The following PRELID2 variants were observed in gnomAD, a reference collection of about 807,000 sequenced individuals.
The protein encoded by PRELID2 is PRELI domain containing 2, also known as PRELI domain-containing protein 2.
Under a neutral mutation model 28.4 loss-of-function variants are expected in PRELID2, and 25 were observed. The ratio of observed to expected loss-of-function variants is 0.88; its 90% CI spans 0.64 to 1.23. The LOEUF (loss-of-function observed/expected upper bound fraction) is 1.23. Among genes scored for constraint, PRELID2 ranks in the 50% most tolerant of loss-of-function variants. The probability of loss-of-function intolerance (pLI) is 0.00; values close to 1 mark genes in which losing one functional copy is unlikely to be tolerated. For synonymous variants in PRELID2, 76 were observed against 71.6 expected, an observed-to-expected ratio of 1.06 and a Z score of -0.31; for missense variants, 201 against 214.4, an observed-to-expected ratio of 0.94 and a Z score of 0.39.
At chr5:145,589,488 A>G (rs919126731) in intron 1 of PRELID2, among the ~76,000 whole-genome samples, 8 of 152,194 alleles carry the variant, frequency 5.3e-5, no homozygotes, top group African/African-American at 1.9e-4. Context: ...CTTTGCCATC[A>G]TAACAGGCAT....
the PRELID2 span, among the ~76,000 whole-genome samples, chr5:145,395,735 CA>C: frequency 4.6e-5 from 7 of 150,894 alleles, no homozygotes; most frequent in East Asian, 3.9e-4. Context: ...TGGAAAACCA[CA>C]AAAAAAACAA....
At chr5:145,816,541 T>C (rs1754318383) in intron 4 of PRELID2, among the ~76,000 whole-genome samples, 2 of 152,224 alleles carry the variant, frequency 1.3e-5, no homozygotes. Context: ...CATGTTTATT[T>C]CTAAGTGTCT....
the PRELID2 span, among the ~76,000 whole-genome samples, chr5:145,357,388 T>A: frequency 1.3e-5 from 2 of 152,238 alleles, no homozygotes; most frequent in Non-Finnish European, 2.9e-5. Context: ...AGTCATAGAT[T>A]TGGTTTCTTT....
intron 2 of PRELID2, among the ~76,000 whole-genome samples, chr5:145,820,439 C>T (rs541917903): frequency 2.6e-5 from 4 of 151,296 alleles, no homozygotes; most frequent in East Asian, 1.9e-4. Flanking sequence ...CTGGACTATC[C>T]GTGTCAGTAC....
the PRELID2 span, among the ~76,000 whole-genome samples, chr5:145,373,396 G>T: frequency 2.9e-5 from 2 of 68,300 alleles, no homozygotes; most frequent in Non-Finnish European, 5.2e-5. Context: ...TAATATATAT[G>T]ATATTATATA....
chr5:145,697,081 A>G (rs1420150865), intron 1 of PRELID2, among the ~76,000 whole-genome samples: 3 of 109,648 alleles, frequency 2.7e-5, no homozygotes, highest in South Asian at 2.7e-4. Flanking sequence ...ATATATATAT[A>G]CACACACACA....
chr5:145,529,576 A>C (rs1386819887), intron 1 of PRELID2, among the ~76,000 whole-genome samples: 1 of 152,194 alleles, frequency 6.6e-6, no homozygotes, highest in Non-Finnish European at 1.5e-5. Flanking sequence ...CAATTCATTT[A>C]TTTAAGGAAT....
chr5:145,642,490 C>A (rs1249585144), intron 1 of PRELID2, among the ~76,000 whole-genome samples: 2 of 152,146 alleles, frequency 1.3e-5, no homozygotes, highest in Non-Finnish European at 1.5e-5. Context: ...GTGATAGTTT[C>A]TTTTGCTGTG....
intron 1 of PRELID2, among the ~76,000 whole-genome samples, chr5:145,680,253 GC>G (rs1216711682): frequency 1.3e-5 from 2 of 152,190 alleles, no homozygotes; most frequent in Non-Finnish European, 2.9e-5. Context: ...AAACTTGGGA[GC>G]CAGTGATTTA....
At chr5:145,731,195 A>AT (rs749154274) in intron 1 of PRELID2, among the ~76,000 whole-genome samples, 2 of 152,222 alleles carry the variant, frequency 1.3e-5, no homozygotes, top group Non-Finnish European at 2.9e-5. Flanking sequence ...CACAGGGGAA[A>AT]TTATCTGCTG....
At chr5:145,279,988 T>A in the PRELID2 span, among the ~76,000 whole-genome samples, 1 of 152,154 alleles carries the variant, frequency 6.6e-6, no homozygotes, top group African/African-American at 2.4e-5. Context: ...AAATGAATGA[T>A]TGGCTTATCT....
chr5:145,383,160 C>G, the PRELID2 span, among the ~76,000 whole-genome samples: 1 of 150,936 alleles, frequency 6.6e-6, no homozygotes, highest in African/African-American at 2.4e-5. Context: ...AAAAGCAAAC[C>G]CAAAATCTAG....
chr5:145,750,817 C>T (rs1757105407), intron 1 of PRELID2, among the ~76,000 whole-genome samples: 1 of 152,170 alleles, frequency 6.6e-6, no homozygotes. Flanking sequence ...GCAGAACCAG[C>T]TGCACCAATA....
At chr5:145,415,845 G>A in the PRELID2 span, among the ~76,000 whole-genome samples, 1 of 151,780 alleles carries the variant, frequency 6.6e-6, no homozygotes, top group Non-Finnish European at 1.5e-5. Flanking sequence ...AGATCCCTGA[G>A]GAATCGCCAC....
intron 1 of PRELID2, among the ~76,000 whole-genome samples, chr5:145,591,160 G>A (rs1370757652): frequency 1.3e-5 from 2 of 151,956 alleles, no homozygotes; most frequent in Non-Finnish European, 2.9e-5. Flanking sequence ...GCTGGGCATG[G>A]TAGCGCATGC....
intron 3 of PRELID2, among the ~76,000 whole-genome samples, chr5:145,818,396 T>TA (rs1311166744): frequency 6.6e-6 from 1 of 152,200 alleles, no homozygotes; most frequent in Non-Finnish European, 1.5e-5. Context: ...CGAGCCCACT[T>TA]ACAAGCTCAC....
At chr5:145,241,693 T>A in the PRELID2 span, among the ~76,000 whole-genome samples, 1 of 152,008 alleles carries the variant, frequency 6.6e-6, no homozygotes, top group African/African-American at 2.4e-5. Flanking sequence ...ATGTATATTA[T>A]CCCACATCTT....
At chr5:145,309,086 CA>C in the PRELID2 span, among the ~76,000 whole-genome samples, 1 of 126,400 alleles carries the variant, frequency 7.9e-6, no homozygotes, top group Non-Finnish European at 1.7e-5. Flanking sequence ...ATCTTTTCCT[CA>C]GAGTGGTCAA....
intron 1 of PRELID2, among the ~76,000 whole-genome samples, chr5:145,582,261 T>G (rs540370063): frequency 6.6e-6 from 1 of 152,108 alleles, no homozygotes; most frequent in Non-Finnish European, 1.5e-5. Flanking sequence ...GTTTATTGAC[T>G]CACAGTTCTG....
Sources: allele counts gnomAD v4.1 joint callset (sites outside exome capture counted in the v4.1 genomes callset), GRCh38; gene constraint gnomAD v4.1.1; transcripts MANE v1.5; gene names NCBI Gene and HGNC (gene_info 2026-07-23, HGNC 2026-07-21).